The following AGO3 variants were observed in gnomAD, a reference collection of about 807,000 sequenced individuals.
The protein encoded by AGO3 is protein argonaute-3.
Under a neutral mutation model 105.5 loss-of-function variants are expected in AGO3, and 16 were observed. That is an observed-to-expected ratio of 0.15 (90% CI 0.10 to 0.23). The LOEUF is 0.23. Ranked by LOEUF, AGO3 falls within the 10% of genes least tolerant of loss-of-function variation. The probability of loss-of-function intolerance (pLI) is 1.00; values close to 1 mark genes in which losing one functional copy is unlikely to be tolerated. For missense variants in AGO3, 534 were observed against 1,088.0 expected (o/e 0.49, Z 7.16); for synonymous variants, 340 against 367.3 (o/e 0.93, Z 0.85).
At chr1:35,995,209 A>AAAAAAAAAATATATATATAT (rs1237315557) in intron 5 of AGO3, among the ~76,000 whole-genome samples, 1 of 114,738 alleles carries the variant, frequency 8.7e-6, no homozygotes, top group African/African-American at 3.7e-5. Flanking sequence ...TAAAAAAAAA[A>AAAAAAAAAATATATATATAT]ATATATATAT....
chr1:35,973,332 C>G, intron 4 of AGO3, 43 bp from the exon 5 acceptor site: 2 of 1,406,392 alleles, frequency 1.4e-6, no homozygotes, highest in Non-Finnish European at 9.4e-7. Context: ...TAAATACTTG[C>G]ATGAGAAGGA....
intron 5 of AGO3, among the ~76,000 whole-genome samples, chr1:35,993,645 G>A (rs918140009): frequency 6.6e-6 from 1 of 150,408 alleles, no homozygotes; most frequent in Non-Finnish European, 1.5e-5. Flanking sequence ...GATTTCACTA[G>A]TGAGTTTTTT....
At chr1:36,043,364 T>C in intron 16 of AGO3, 83 bp from the exon 17 acceptor site, 1 of 1,033,246 alleles carries the variant, frequency 9.7e-7, no homozygotes, top group South Asian at 1.4e-5. Flanking sequence ...GATCAGCCTA[T>C]GTATTCATAC....
At chr1:36,054,789 C>T (rs922334167) in intron 17 of AGO3, among the ~76,000 whole-genome samples, 157 bp from the exon 18 acceptor site, 6 of 152,018 alleles carry the variant, frequency 3.9e-5, no homozygotes, top group African/African-American at 7.2e-5. Context: ...GGCAGAGGCA[C>T]TAGAATCTTT....
intron 5 of AGO3, among the ~76,000 whole-genome samples, chr1:35,987,783 C>T (rs1330154055): frequency 1.3e-5 from 2 of 151,318 alleles, no homozygotes; most frequent in Non-Finnish European, 2.9e-5. Context: ...AAAAAAAGAC[C>T]TATGGGCCAG....
chr1:36,043,601 G>A (rs549644141), intron 17 of AGO3, 53 bp downstream of exon 17: 17 of 1,392,310 alleles, frequency 1.2e-5, no homozygotes, highest in African/African-American at 8.8e-5. Context: ...TCATTCTTAC[G>A]TGTATTTTTT....
chr1:36,036,078 G>C (rs1178993590), intron 13 of AGO3, 99 bp from the exon 14 acceptor site: 8 of 1,064,308 alleles, frequency 7.5e-6, no homozygotes, highest in Non-Finnish European at 9.9e-6. Flanking sequence ...GACTTCCTCT[G>C]TGCTGTCAAT....
rs1252950403 is a variant in AGO3, at chr1:35,933,657, A to C, written c.19+2212A>C. 2.0e-5 allele frequency among the ~76,000 whole-genome samples: 3 copies of C among 150,836 alleles called. No individual in the cohort carries two copies. In the South Asian group the frequency reaches 6.2e-4, roughly 31 times the overall value. The stretch of plus-strand genomic sequence containing the variant: ...CCCTGTCTCAAAAAAAAAAAAAAAA[A>C]AAAAAAAAAAAAAAATCATCATTTG... On this transcript the variant is annotated intron_variant, in intron 1 of 18. Coordinates refer to ENST00000373191, the MANE Select transcript of AGO3 (RefSeq NM_024852.4).
chr1:36,002,011 A>G (rs1391101325), intron 5 of AGO3, among the ~76,000 whole-genome samples: 1 of 152,154 alleles, frequency 6.6e-6, no homozygotes, highest in Non-Finnish European at 1.5e-5. Context: ...CGTAGTAAAA[A>G]ATATGTTAAA....
intron 5 of AGO3, among the ~76,000 whole-genome samples, chr1:35,978,427 G>A (rs1008724289): frequency 3.3e-5 from 5 of 152,118 alleles, no homozygotes; most frequent in Admixed American, 6.5e-5. Flanking sequence ...CCTGACCTCA[G>A]GTGATCCGCC....
At chr1:36,004,234 A>T (rs552216351) in intron 5 of AGO3, 107 bp from the exon 6 acceptor site, 1 of 1,203,088 alleles carries the variant, frequency 8.3e-7, no homozygotes, top group Admixed American at 2.8e-5. Flanking sequence ...ATAAATGTGC[A>T]TAAAGGATCA....
intron 5 of AGO3, among the ~76,000 whole-genome samples, chr1:35,987,785 A>G (rs990182582): frequency 6.6e-6 from 1 of 151,634 alleles, no homozygotes; most frequent in African/African-American, 2.4e-5. Flanking sequence ...AAAAAGACCT[A>G]TGGGCCAGGC....
Position 36,004,488 on chromosome 1 carries a change from G to A in AGO3, c.793+13G>A, listed in dbSNP as rs1199418921. ...AAAGAGATAAAAGGTGAATTAATTA[G>A]CATTTAGCACAACTTAACTATAAAA... On this transcript the variant is annotated intron_variant, in intron 6 of 18. Coordinates refer to ENST00000373191, the MANE Select transcript of AGO3 (RefSeq NM_024852.4). 3.2e-6 allele frequency: 5 copies of A among 1,576,256 alleles called. No homozygotes were observed. Among genetic ancestry groups the A allele is most frequent in the Non-Finnish European group, 4.3e-6 (5 of 1,157,830 alleles).
rs568366351 is a variant in AGO3, at chr1:35,985,244, T to C, written c.658+11733T>C. On this transcript the variant is annotated intron_variant, in intron 5 of 18. Transcript: ENST00000373191. ...CTGCAGTGAACTGTGATCTCACCACTGTACTCCAGCCTGGGCAACAGAATT... is the reference window on the plus strand; with the variant it reads ...CTGCAGTGAACTGTGATCTCACCACCGTACTCCAGCCTGGGCAACAGAATT... Among the ~76,000 whole-genome samples the C allele has an allele frequency of 3.6e-4, 55 of 152,284 alleles. 1 individual carries two copies. The highest frequency in any genetic ancestry group is 3.6e-3 in the Admixed American group (55 of 15,288).
intron 5 of AGO3, among the ~76,000 whole-genome samples, chr1:35,996,372 T>A (rs1394219067): frequency 1.3e-5 from 2 of 151,382 alleles, no homozygotes; most frequent in East Asian, 3.8e-4. Flanking sequence ...AAAACACATT[T>A]GCAAAACGTA....
chr1:35,989,137 A>G (rs1647379281), intron 5 of AGO3, among the ~76,000 whole-genome samples: 1 of 152,232 alleles, frequency 6.6e-6, no homozygotes, highest in African/African-American at 2.4e-5. Flanking sequence ...GATCCATTGT[A>G]GTCTCACTGG....
At position 36,055,942 on chromosome 1, in the gene AGO3, T is replaced by C; in HGVS notation, c.*197T>C. 2 of 512,210 alleles carry C rather than the reference T, an allele frequency of 3.9e-6. No individual in the cohort carries two copies. The highest frequency in any genetic ancestry group is 6.9e-6 in the Non-Finnish European group (2 of 290,696). The allele number at this position is 512,210 out of a possible 1,614,324, so 31.7% of individuals were successfully genotyped here. On this transcript the variant is annotated 3_prime_UTR_variant, in exon 19 of 19. Transcript: ENST00000373191. This position sits in a 1 kb window ranked among gnomAD's most constrained non-coding sequence, Gnocchi z 4.4. ...CAAGGAACACAGCATCATTATGCAA[T>C]ATGAAACCAGCCAACTGCTTTTTGT... is the stretch of plus-strand genomic sequence containing the variant.
At chr1:35,948,622 TATTATATATGTGTA>T (rs1646413863) in intron 2 of AGO3, among the ~76,000 whole-genome samples, 1 of 152,222 alleles carries the variant, frequency 6.6e-6, no homozygotes, top group African/African-American at 2.4e-5. Context: ...AAAATTTGTG[TATTATATATGTGTA>T]ATTATATATG....
At chr1:35,937,200 G>A (rs564777848) in intron 1 of AGO3, among the ~76,000 whole-genome samples, 16 of 152,230 alleles carry the variant, frequency 1.1e-4, no homozygotes, top group African/African-American at 3.9e-4. Flanking sequence ...TCAGGAGTTC[G>A]AGACTAGCCT....
Sources: allele counts gnomAD v4.1 joint callset (sites outside exome capture counted in the v4.1 genomes callset), GRCh38; gene constraint gnomAD v4.1.1; non-coding constraint Gnocchi (gnomAD v3.1); transcripts MANE v1.5; gene names NCBI Gene and HGNC (gene_info 2026-07-23, HGNC 2026-07-21).